The following SELENOI variants were observed in gnomAD, a reference collection of about 807,000 sequenced individuals.
The protein encoded by SELENOI is selenoprotein I.
A neutral mutation model predicts 50.7 loss-of-function variants in SELENOI; 24 were observed. That is an observed-to-expected ratio of 0.47 (90% CI 0.34 to 0.67). The LOEUF is 0.67. Ranked by LOEUF, SELENOI falls within the 30% of genes least tolerant of loss-of-function variation. The probability of loss-of-function intolerance (pLI) is 0.01; values close to 1 mark genes in which losing one functional copy is unlikely to be tolerated. For missense variants in SELENOI, 352 were observed against 461.4 expected (o/e 0.76, Z 2.17); for synonymous variants, 155 against 170.2 (o/e 0.91, Z 0.70).
chr2:26,346,326 C>T, intron 1 of SELENOI, 37 bp downstream of exon 1: 4 of 1,589,002 alleles, frequency 2.5e-6, no homozygotes, highest in Non-Finnish European at 3.4e-6. Context: ...TCCCTGCTCC[C>T]GGCCTCGCCC....
At chr2:26,355,745 C>CT (rs1187044204) in intron 1 of SELENOI, among the ~76,000 whole-genome samples, 350 of 141,266 alleles carry the variant, frequency 2.5e-3, no homozygotes, top group African/African-American at 5.8e-3. Flanking sequence ...CTCTCTCTCC[C>CT]TTTTTTTTTT....
At chr2:26,375,577 C>T (rs1453267312) in intron 6 of SELENOI, among the ~76,000 whole-genome samples, 3 of 152,142 alleles carry the variant, frequency 2.0e-5, no homozygotes, top group Admixed American at 6.5e-5. Flanking sequence ...CTCAGATATC[C>T]TCTTTCTTAA....
At chr2:26,371,018 G>C (rs1677423442) in intron 4 of SELENOI, among the ~76,000 whole-genome samples, 1 of 143,142 alleles carries the variant, frequency 7.0e-6, no homozygotes, top group African/African-American at 2.6e-5. Context: ...CGGCTGGCCA[G>C]GCAGAGGGGC....
At chr2:26,362,843 G>C (rs1474251347) in intron 1 of SELENOI, among the ~76,000 whole-genome samples, 2 of 152,136 alleles carry the variant, frequency 1.3e-5, no homozygotes, top group Non-Finnish European at 2.9e-5. Flanking sequence ...TAATCACCCA[G>C]GTAATACTGT....
intron 7 of SELENOI, among the ~76,000 whole-genome samples, 168 bp from the exon 8 acceptor site, chr2:26,384,791 A>G (rs566289570): frequency 4.6e-5 from 7 of 152,304 alleles, no homozygotes; most frequent in Admixed American, 3.3e-4. Flanking sequence ...TCTTATCCTC[A>G]CTTAGCCTGT....
chr2:26,394,738 AG>A lies in SELENOI; in HGVS notation c.*5636del, dbSNP rs1463315561. The A allele has an allele frequency of 1.3e-5, 2 of 152,088 alleles. No individual in the cohort carries two copies. Among genetic ancestry groups the A allele is most frequent in the African/African-American group, 2.4e-5 (1 of 41,400 alleles). The allele number at this position is 152,088 out of a possible 1,614,324, so 9.4% of individuals were successfully genotyped here. A position where few individuals can be genotyped will look rare whatever the true frequency, so the allele number is the denominator to read the frequency against. On this transcript the variant is annotated 3_prime_UTR_variant, in exon 10 of 10. Transcript: ENST00000260585. The surrounding 1 kb of genome is among the most constrained non-coding windows in gnomAD (Gnocchi z 4.1). ...AACTCCCTGCTGCCCGCCTTCCCCC[AG>A]TCCCCTCCATCTAACATAATACAGT...
At chr2:26,366,999 T>A (rs773560052) in intron 3 of SELENOI, 147 bp from the exon 4 acceptor site, 6 of 623,220 alleles carry the variant, frequency 9.6e-6, no homozygotes, top group Non-Finnish European at 1.2e-5. Context: ...TTCCTGGTAT[T>A]ATTTACGTAA....
At chr2:26,347,788 C>T (rs950816541) in intron 1 of SELENOI, among the ~76,000 whole-genome samples, 1 of 152,136 alleles carries the variant, frequency 6.6e-6, no homozygotes, top group Non-Finnish European at 1.5e-5. Flanking sequence ...TAGGAAATCT[C>T]CTTTTTCTTA....
intron 6 of SELENOI, among the ~76,000 whole-genome samples, chr2:26,381,198 C>CTTTTTTTTTTTTTTTTTTTTTTTTTTTTT (rs57102834): frequency 2.3e-4 from 7 of 30,198 alleles, no homozygotes; most frequent in African/African-American, 1.3e-3. Flanking sequence ...TCAGTTTGGT[C>CTTTTTTTTTTTTTTTTTTTTTTTTTTTTT]TTTTTTTTTT....
intron 1 of SELENOI, among the ~76,000 whole-genome samples, chr2:26,355,845 G>A (rs968364623): frequency 8.6e-5 from 13 of 151,670 alleles, no homozygotes; most frequent in African/African-American, 2.9e-4. Context: ...AGGCTCAGGT[G>A]ATCCTCCCAC....
rs371241373 is a variant in SELENOI, at chr2:26,391,609, C to T, written c.*2506C>T. ...ATAAGGAGCATACGTGCATGTTTTC[C>T]GTACTTTCAGAATAGAGTGCCTTAG... is the stretch of plus-strand genomic sequence containing the variant. On this transcript the variant is annotated 3_prime_UTR_variant, in exon 10 of 10. Transcript: ENST00000260585. The T allele has an allele frequency of 1.3e-5, 2 of 152,290 alleles. No individual in the cohort carries two copies. Among genetic ancestry groups the T allele is most frequent in the South Asian group, 4.1e-4 (2 of 4,820 alleles). 9.4% of individuals were successfully genotyped at this position (152,290 alleles called of 1,614,324 possible). A position where few individuals can be genotyped will look rare whatever the true frequency, so the allele number is the denominator to read the frequency against.
chr2:26,374,986 T>G, intron 5 of SELENOI, 54 bp from the exon 6 acceptor site: 3 of 1,246,480 alleles, frequency 2.4e-6, no homozygotes, highest in Non-Finnish European at 2.3e-6. Context: ...TGGTGACTCC[T>G]GATCTTTCTA....
chr2:26,350,923 A>G (rs1215595663), intron 1 of SELENOI, among the ~76,000 whole-genome samples: 1 of 152,214 alleles, frequency 6.6e-6, no homozygotes, highest in East Asian at 1.9e-4. Context: ...CATTTAATAC[A>G]CTTAACCTAC....
intron 5 of SELENOI, among the ~76,000 whole-genome samples, chr2:26,374,221 G>T (rs1344138700): frequency 1.3e-5 from 2 of 152,084 alleles, no homozygotes; most frequent in Non-Finnish European, 2.9e-5. Flanking sequence ...CTTGATTTTG[G>T]AAAGAAAGAT....
intron 1 of SELENOI, among the ~76,000 whole-genome samples, chr2:26,362,267 C>T (rs1236798187): frequency 1.3e-5 from 2 of 151,572 alleles, no homozygotes; most frequent in Admixed American, 6.6e-5. Context: ...GACGGGGTTT[C>T]ACCGTGTTAG....
intron 3 of SELENOI, among the ~76,000 whole-genome samples, chr2:26,366,477 CA>C (rs1677289401): frequency 6.6e-6 from 1 of 152,080 alleles, no homozygotes; most frequent in Non-Finnish European, 1.5e-5. Flanking sequence ...TATATCTCCC[CA>C]AATCATATAA....
At chr2:26,367,319 T>A in intron 4 of SELENOI, 99 bp downstream of exon 4, 2 of 903,156 alleles carry the variant, frequency 2.2e-6, no homozygotes, top group Non-Finnish European at 3.3e-6. Context: ...TAATTCATTT[T>A]AACTAGAGTT....
intron 1 of SELENOI, among the ~76,000 whole-genome samples, chr2:26,356,208 A>T (rs1677061120): frequency 6.6e-6 from 1 of 152,120 alleles, no homozygotes; most frequent in Non-Finnish European, 1.5e-5. Flanking sequence ...GCCCAGGCTG[A>T]AGTACAGTGA....
Position 26,367,203 on chromosome 2 carries a change from T to C in SELENOI, c.293T>C (p.Phe98Ser). Residue 98 changes from phenylalanine (F) to serine (S), a missense_variant, in exon 4 of 10, where the codon TTC (phenylalanine) becomes TCC (serine). Transcript: ENST00000260585. The stretch of plus-strand genomic sequence containing the variant: ...TGGATTGTAGTGGGCATCCTCAACT[T>C]CGTAGCCTACACTCTAGGTAAGGAA... Reference protein sequence around the residue: ...WVWIVVGILNFVAYTLDGVDG... With the variant: ...WVWIVVGILNSVAYTLDGVDG... 6.2e-7 allele frequency: 1 copy of C among 1,610,036 alleles called. No homozygotes were observed. Among genetic ancestry groups the C allele is most frequent in the Non-Finnish European group, 8.5e-7 (1 of 1,178,136 alleles).
Sources: gnomAD v4.1 joint callset for allele counts (sites outside exome capture counted in the v4.1 genomes callset) on GRCh38, gnomAD v4.1.1 for gene constraint, Gnocchi (gnomAD v3.1) non-coding constraint, MANE v1.5 for transcripts, NCBI Gene and HGNC (gene_info 2026-07-23, HGNC 2026-07-21) for gene names.